MATN2: variants seen among roughly 807,000 people sequenced by gnomAD.
MATN2 encodes the protein matrilin 2, also known as matrilin-2.
A neutral mutation model predicts 103.2 loss-of-function variants in MATN2; 69 were observed. That is an observed-to-expected ratio of 0.67 (90% CI 0.55 to 0.82). MATN2 has a LOEUF of 0.82. MATN2 is among the 40% of genes least tolerant of loss of function. The pLI, the probability that MATN2 is intolerant of heterozygous loss-of-function variation, is 0.00. For missense variants in MATN2, 1,023 were observed against 1,211.5 expected (o/e 0.84, Z 2.31); for synonymous variants, 429 against 450.2 (o/e 0.95, Z 0.60).
At position 98,000,127 on chromosome 8, in the gene MATN2, C is replaced by T. The variant is rs368182732; in HGVS notation, c.1205-3534C>T. 1.2e-4 allele frequency among the ~76,000 whole-genome samples: 18 copies of T among 151,586 alleles called. 1 individual carries two copies. In the South Asian group the frequency reaches 3.8e-3, roughly 32 times the overall value. On this transcript the variant is annotated intron_variant, in intron 7 of 18. Transcript: ENST00000254898. ...AACTCCTGACCTCAAGTGATCCATC[C>T]GCCTCAGCCTTCCAAAGTGCTGGGA... is the stretch of plus-strand genomic sequence containing the variant.
chr8:98,033,324 T>G, intron 17 of MATN2, 148 bp downstream of exon 17: 1 of 840,634 alleles, frequency 1.2e-6, no homozygotes, highest in South Asian at 2.2e-5. Flanking sequence ...AAATGAGAAC[T>G]AAAACATAAA....
chr8:98,014,634 G>C (rs967676641), intron 10 of MATN2, among the ~76,000 whole-genome samples: 14 of 152,122 alleles, frequency 9.2e-5, no homozygotes, highest in African/African-American at 3.1e-4. Context: ...AGAAAATACG[G>C]GGATTTATTT....
rs761598803 is a variant in MATN2 at position 98,021,311 on chromosome 8, C to T, written c.1926C>T (p.Asp642=). The T allele has an allele frequency of 8.5e-5, 137 of 1,613,134 alleles. No individual in the cohort carries two copies. The highest frequency in any genetic ancestry group is 1.1e-4 in the Non-Finnish European group (126 of 1,179,396). ...KCSEGFVLAE[D]GRRCKKCTEG... ...CAGAGGGATTTGTTCTAGCTGAGGACGGAAGACGGTGCAAGAGTAAGTGAT... is the reference window on the plus strand; with the variant it reads ...CAGAGGGATTTGTTCTAGCTGAGGATGGAAGACGGTGCAAGAGTAAGTGAT... Residue 642 remains aspartate (D), a synonymous_variant, in exon 13 of 19, where the codon GAC becomes GAT. Coordinates refer to ENST00000254898, the MANE Select transcript of MATN2 (RefSeq NM_002380.5).
chr8:97,945,921 A>T (rs1220295925), intron 4 of MATN2, among the ~76,000 whole-genome samples: 1 of 152,048 alleles, frequency 6.6e-6, no homozygotes, highest in South Asian at 2.1e-4. Context: ...GAATCAGGTT[A>T]TTACAAAACA....
chr8:97,995,979 G>T (rs1237067898), intron 7 of MATN2, among the ~76,000 whole-genome samples: 2 of 152,188 alleles, frequency 1.3e-5, no homozygotes, highest in East Asian at 3.8e-4. Context: ...TTCTGGTCTG[G>T]CCACTCCTCT....
intron 2 of MATN2, among the ~76,000 whole-genome samples, chr8:97,893,263 G>A (rs994997820): frequency 1.3e-4 from 20 of 152,302 alleles, no homozygotes; most frequent in African/African-American, 4.3e-4. Context: ...GGCAGGTAGA[G>A]TCGGAGAATC....
chr8:97,908,703 C>T (rs1250612247), intron 2 of MATN2, among the ~76,000 whole-genome samples: 2 of 152,160 alleles, frequency 1.3e-5, no homozygotes, highest in Non-Finnish European at 2.9e-5. Context: ...GCAATCTCGG[C>T]TCACTGCAAC....
intron 13 of MATN2, among the ~76,000 whole-genome samples, chr8:98,023,083 G>A (rs143811835): frequency 0.01 from 1,549 of 152,074 alleles, 16 homozygotes; most frequent in South Asian, 0.025. Context: ...GGAAGACTCC[G>A]TCTCAAAATA....
At chr8:98,008,018 G>T (rs551838961) in intron 10 of MATN2, among the ~76,000 whole-genome samples, 62 of 152,340 alleles carry the variant, frequency 4.1e-4, no homozygotes, top group South Asian at 2.3e-3. Flanking sequence ...CTGTAGCTCA[G>T]ATTAAGTAAA....
intron 3 of MATN2, among the ~76,000 whole-genome samples, chr8:97,940,134 A>G (rs1456423837): frequency 1.3e-5 from 2 of 152,286 alleles, no homozygotes; most frequent in Admixed American, 6.5e-5. Flanking sequence ...TGTCTTATAA[A>G]GAAGTTAAGA....
intron 3 of MATN2, among the ~76,000 whole-genome samples, chr8:97,938,018 G>T (rs1810434217): frequency 6.6e-6 from 1 of 152,138 alleles, no homozygotes; most frequent in African/African-American, 2.4e-5. Flanking sequence ...GCTGCCTGCT[G>T]CCCGCCAGAT....
At chr8:97,986,009 C>G (rs1197764965) in intron 6 of MATN2, among the ~76,000 whole-genome samples, 1 of 152,114 alleles carries the variant, frequency 6.6e-6, no homozygotes, top group Non-Finnish European at 1.5e-5. Context: ...TAAACGTTAT[C>G]AAAAACATTT....
chr8:97,981,065 C>T (rs564910050), intron 6 of MATN2, among the ~76,000 whole-genome samples: 4 of 151,404 alleles, frequency 2.6e-5, no homozygotes, highest in Admixed American at 6.6e-5. Flanking sequence ...GTCTGTACTC[C>T]CAGCTACTTG....
rs143819160 is a variant in MATN2, at chr8:97,981,870, G to A, written c.1081+2862G>A. ...CAGGCAAGGAGGGTGTTGGAGCCCT[G>A]GAATCAGACCCTGGAAGTAGATACC... On this transcript the variant is annotated intron_variant, in intron 6 of 18. Transcript: ENST00000254898. Among the ~76,000 whole-genome samples, 27 of 152,254 alleles carry A rather than the reference G, an allele frequency of 1.8e-4. No homozygotes were observed. In the East Asian group the frequency reaches 3.7e-3, roughly 21 times the overall value.
At chr8:97,966,824 G>A (rs1357162750) in intron 5 of MATN2, among the ~76,000 whole-genome samples, 3 of 152,188 alleles carry the variant, frequency 2.0e-5, no homozygotes, top group Non-Finnish European at 4.4e-5. Flanking sequence ...TGCTACCTGA[G>A]CTGAAATCCC....
intron 2 of MATN2, among the ~76,000 whole-genome samples, chr8:97,912,535 G>A (rs1002449213): frequency 6.6e-6 from 1 of 152,192 alleles, no homozygotes; most frequent in Non-Finnish European, 1.5e-5. Flanking sequence ...TAAGAATGGA[G>A]GAAATGAAGC....
At chr8:97,915,522 T>A (rs751958330) in intron 2 of MATN2, among the ~76,000 whole-genome samples, 1 of 152,242 alleles carries the variant, frequency 6.6e-6, no homozygotes, top group Admixed American at 6.5e-5. Context: ...GTTATCTAAC[T>A]GGCCCCTTCC....
chr8:98,006,207 G>A lies in MATN2; in HGVS notation c.1328-898G>A, dbSNP rs556023613. 5.3e-5 allele frequency among the ~76,000 whole-genome samples: 8 copies of A among 152,310 alleles called. No homozygotes were observed. In the East Asian group the frequency reaches 1.4e-3, roughly 26 times the overall value. ...GCCACACATGCAGTCCCAGGCTTTG[G>A]TTTGTTTTTTAATCTGGATGTCCTG... On this transcript the variant is annotated intron_variant, in intron 8 of 18. Transcript: ENST00000254898.
At chr8:97,977,560 C>T (rs1051254073) in intron 5 of MATN2, among the ~76,000 whole-genome samples, 11 of 152,046 alleles carry the variant, frequency 7.2e-5, no homozygotes, top group African/African-American at 2.4e-4. Flanking sequence ...AAGCCTCCAC[C>T]CTTCCTCCCT....
Sources: gnomAD v4.1 joint callset for allele counts (sites outside exome capture counted in the v4.1 genomes callset) on GRCh38, gnomAD v4.1.1 for gene constraint, MANE v1.5 for transcripts, NCBI Gene and HGNC (gene_info 2026-07-23, HGNC 2026-07-21) for gene names.